The following ASTN1 variants were observed in gnomAD, a reference collection of about 807,000 sequenced individuals.
ASTN1 encodes astrotactin-1.
In ASTN1, 41 loss-of-function variants were observed where a neutral mutation model predicts 140.7. The observed-to-expected ratio is 0.29, with a 90% confidence interval of 0.23 to 0.38. The LOEUF (loss-of-function observed/expected upper bound fraction) is 0.38, where lower values mean the gene tolerates loss of function less well. Among genes scored for constraint, ASTN1 ranks in the 10% least tolerant of loss-of-function variants. ASTN1 has a pLI of 1.00. For synonymous variants in ASTN1, 640 were observed against 652.2 expected (o/e 0.98, Z 0.29); for missense variants, 1,479 against 1,678.8 (o/e 0.88, Z 2.08).
intron 8 of ASTN1, among the ~76,000 whole-genome samples, chr1:176,975,569 G>A (rs1351424227): frequency 1.3e-5 from 2 of 152,212 alleles, no homozygotes; most frequent in African/African-American, 2.4e-5. Context: ...TATCTGTAGT[G>A]CATAAAAAGA....
At chr1:176,887,695 A>G (rs1185453378) in intron 18 of ASTN1, among the ~76,000 whole-genome samples, 3 of 151,994 alleles carry the variant, frequency 2.0e-5, no homozygotes, top group African/African-American at 7.2e-5. Context: ...TTAAGCTCTC[A>G]GTGTAGATCT....
intron 1 of ASTN1, among the ~76,000 whole-genome samples, chr1:177,125,517 C>T (rs1681597810): frequency 6.6e-6 from 1 of 152,082 alleles, no homozygotes; most frequent in Non-Finnish European, 1.5e-5. Flanking sequence ...GATGTAGAGG[C>T]AAAAATTCTG....
chr1:176,881,777 C>A lies in ASTN1; in HGVS notation c.3362+1082G>T, dbSNP rs577171381. ...ATCATGCATAGCCCATAGCAACATCCCTTTTTCCTATATTGAAGACATTCA... is the reference window on the plus strand; with the variant it reads ...ATCATGCATAGCCCATAGCAACATCACTTTTTCCTATATTGAAGACATTCA... On this transcript the variant is annotated intron_variant, in intron 20 of 22. Coordinates refer to ENST00000361833, the MANE Select transcript of ASTN1 (RefSeq NM_004319.3). 2.1e-3 allele frequency among the ~76,000 whole-genome samples: 322 copies of A among 152,298 alleles called. 1 individual carries two copies. The highest frequency in any genetic ancestry group is 3.4e-3 in the Non-Finnish European group (233 of 68,026).
At chr1:176,982,114 C>T (rs955254561) in intron 8 of ASTN1, among the ~76,000 whole-genome samples, 3 of 152,174 alleles carry the variant, frequency 2.0e-5, no homozygotes, top group African/African-American at 7.2e-5. Flanking sequence ...CTTCCAGCTG[C>T]AGAATAAGCA....
intron 17 of ASTN1, among the ~76,000 whole-genome samples, chr1:176,890,499 A>C (rs114139689): frequency 3.2e-4 from 48 of 152,340 alleles, no homozygotes; most frequent in Non-Finnish European, 5.9e-4. Context: ...AGACATTCTC[A>C]GCAAGTGGGA....
intron 1 of ASTN1, among the ~76,000 whole-genome samples, chr1:177,164,189 C>T (rs1376830794): frequency 6.6e-6 from 1 of 152,044 alleles, no homozygotes; most frequent in African/African-American, 2.4e-5. Flanking sequence ...GCTCAGCATC[C>T]AGGTCGGATT....
At chr1:176,996,344 G>C (rs914377414) in intron 8 of ASTN1, among the ~76,000 whole-genome samples, 3 of 151,740 alleles carry the variant, frequency 2.0e-5, no homozygotes, top group East Asian at 2.0e-4. Flanking sequence ...CAGAGAAAGA[G>C]AAAGAGATTT....
chr1:176,877,592 G>A (rs1668617658), intron 20 of ASTN1, among the ~76,000 whole-genome samples: 2 of 152,250 alleles, frequency 1.3e-5, no homozygotes, highest in South Asian at 4.1e-4. Context: ...GCTAGATGGA[G>A]AGGAAGAAGA....
chr1:177,077,273 C>T (rs759570205), intron 1 of ASTN1, among the ~76,000 whole-genome samples: 9 of 152,256 alleles, frequency 5.9e-5, no homozygotes, highest in African/African-American at 9.6e-5. Flanking sequence ...GATGCTCTCC[C>T]ACTGCTGCTC....
In ASTN1 at chr1:177,155,387, A is replaced by C. The variant is rs567866403; in HGVS notation, c.283+9007T>G. ...AGAAAAGAAATCATTTAGGAGATTG[A>C]GTGATCCCAGGATGAATGCAGAATA... On this transcript the variant is annotated intron_variant, in intron 1 of 22. Transcript: ENST00000361833. Among the ~76,000 whole-genome samples the C allele has an allele frequency of 5.3e-5, 8 of 151,524 alleles. No individual in the cohort carries two copies. In the East Asian group the frequency reaches 1.5e-3, roughly 29 times the overall value.
At chr1:177,070,852 A>G (rs758892757) in intron 1 of ASTN1, among the ~76,000 whole-genome samples, 10 of 152,174 alleles carry the variant, frequency 6.6e-5, no homozygotes, top group Admixed American at 1.3e-4. Context: ...CTCACTTTGC[A>G]AATCTCAGTC....
At chr1:176,952,556 T>TG (rs1672238204) in intron 11 of ASTN1, among the ~76,000 whole-genome samples, 1 of 152,170 alleles carries the variant, frequency 6.6e-6, no homozygotes, top group Non-Finnish European at 1.5e-5. Context: ...CGAACACACA[T>TG]TCTTTAAGGA....
intron 1 of ASTN1, among the ~76,000 whole-genome samples, chr1:177,152,672 G>A (rs1253351208): frequency 6.6e-6 from 1 of 151,968 alleles, no homozygotes; most frequent in African/African-American, 2.4e-5. Flanking sequence ...CAAGGTTTAT[G>A]ACTAAAAATA....
chr1:176,895,850 T>C (rs1380052083), intron 16 of ASTN1, among the ~76,000 whole-genome samples: 1 of 152,214 alleles, frequency 6.6e-6, no homozygotes, highest in Non-Finnish European at 1.5e-5. Flanking sequence ...GTTTCTGAGA[T>C]TCATCACTTC....
intron 1 of ASTN1, among the ~76,000 whole-genome samples, chr1:177,108,919 A>G (rs974442874): frequency 5.9e-5 from 9 of 152,172 alleles, no homozygotes; most frequent in African/African-American, 2.2e-4. Context: ...TCTAGGAAGA[A>G]AAGGCAGAGA....
At chr1:177,100,264 A>G (rs543947829) in intron 1 of ASTN1, among the ~76,000 whole-genome samples, 1 of 152,290 alleles carries the variant, frequency 6.6e-6, no homozygotes, top group Admixed American at 6.5e-5. Context: ...TGCTTATGTT[A>G]AGCTAGAATG....
chr1:177,109,572 A>C (rs1680715024), intron 1 of ASTN1, among the ~76,000 whole-genome samples: 1 of 152,188 alleles, frequency 6.6e-6, no homozygotes, highest in Admixed American at 6.5e-5. Context: ...ATTATCTATA[A>C]AATTAAGTGT....
chr1:176,926,255 A>G (rs1328336997), intron 16 of ASTN1, among the ~76,000 whole-genome samples: 1 of 150,660 alleles, frequency 6.6e-6, no homozygotes, highest in Non-Finnish European at 1.5e-5. Flanking sequence ...TAAATGAAAA[A>G]GGCGATATAA....
At chr1:177,106,201 G>C (rs1680536597) in intron 1 of ASTN1, among the ~76,000 whole-genome samples, 1 of 152,122 alleles carries the variant, frequency 6.6e-6, no homozygotes, top group African/African-American at 2.4e-5. Flanking sequence ...CACATTGCAA[G>C]CACTCTGTAA....
Sources: gnomAD v4.1 joint callset for allele counts (sites outside exome capture counted in the v4.1 genomes callset) on GRCh38, gnomAD v4.1.1 for gene constraint, MANE v1.5 for transcripts, NCBI Gene and HGNC (gene_info 2026-07-23, HGNC 2026-07-21) for gene names.